CPA6: variants seen among roughly 807,000 people sequenced by gnomAD.
CPA6 encodes the protein carboxypeptidase B.
Under a neutral mutation model 63.3 loss-of-function variants are expected in CPA6, and 58 were observed. The ratio of observed to expected loss-of-function variants is 0.92; its 90% confidence interval spans 0.74 to 1.14. CPA6 has a LOEUF of 1.14. Ranked by LOEUF, CPA6 falls within the 50% of genes most tolerant of loss-of-function variation. The pLI is 0.00. For missense variants in CPA6, 565 were observed against 526.6 expected (o/e 1.07, Z -0.71); for synonymous variants, 185 against 179.0 (o/e 1.03, Z -0.27).
At chr8:67,481,802 G>A (rs1488174568) in intron 8 of CPA6, among the ~76,000 whole-genome samples, 1 of 152,144 alleles carries the variant, frequency 6.6e-6, no homozygotes, top group African/African-American at 2.4e-5. Context: ...CATAACTGCG[G>A]GGGGATGGAC....
intron 1 of CPA6, among the ~76,000 whole-genome samples, chr8:67,657,792 G>A (rs1196748026): frequency 6.6e-6 from 1 of 152,062 alleles, no homozygotes; most frequent in Non-Finnish European, 1.5e-5. Context: ...GACTCCACTG[G>A]TTCTGCAGGA....
intron 2 of CPA6, among the ~76,000 whole-genome samples, chr8:67,568,112 C>A (rs1813388073): frequency 6.6e-6 from 1 of 152,158 alleles, no homozygotes; most frequent in Non-Finnish European, 1.5e-5. Flanking sequence ...TCAGTACGAG[C>A]TGGCCCATCC....
intron 2 of CPA6, among the ~76,000 whole-genome samples, chr8:67,541,611 C>G (rs2128970925): frequency 1.3e-5 from 2 of 152,276 alleles, no homozygotes; most frequent in South Asian, 4.1e-4. Context: ...ACTCAGGGAG[C>G]TCGGTTGTTG....
At chr8:67,568,553 G>A (rs1396865456) in intron 2 of CPA6, among the ~76,000 whole-genome samples, 2 of 152,110 alleles carry the variant, frequency 1.3e-5, no homozygotes, top group African/African-American at 2.4e-5. Flanking sequence ...TCAACAGCTG[G>A]CTCAATCAAG....
rs1245418990 is a variant in CPA6, at chr8:67,612,375, T to C, written c.192+11801A>G. On this transcript the variant is annotated intron_variant, in intron 2 of 10. Transcript: ENST00000297770. ...AGGCATCTTCTGACTGTGCTCCCAA[T>C]ATCACCTCTCTAAGGGAGTCAACAA... 2.0e-5 allele frequency among the ~76,000 whole-genome samples: 3 copies of C among 152,326 alleles called. No homozygotes were observed. The East Asian group carries it at 5.8e-4, about 29-fold the overall frequency.
At chr8:67,681,456 G>A (rs991739262) in intron 1 of CPA6, among the ~76,000 whole-genome samples, 4 of 151,530 alleles carry the variant, frequency 2.6e-5, no homozygotes, top group African/African-American at 7.3e-5. Context: ...TGATCCACTC[G>A]CCTCGGCCTC....
intron 2 of CPA6, among the ~76,000 whole-genome samples, chr8:67,574,149 A>G (rs1318589812): frequency 6.6e-6 from 1 of 151,964 alleles, no homozygotes; most frequent in Non-Finnish European, 1.5e-5. Flanking sequence ...AGGCCAAGGC[A>G]GGCAGATCAC....
intron 1 of CPA6, among the ~76,000 whole-genome samples, chr8:67,637,094 T>C (rs1338525163): frequency 1.3e-5 from 2 of 151,706 alleles, no homozygotes; most frequent in African/African-American, 4.9e-5. Context: ...TAGGCAGAAG[T>C]AATGACTTTA....
At chr8:67,564,446 G>A (rs1813289961) in intron 2 of CPA6, among the ~76,000 whole-genome samples, 1 of 150,652 alleles carries the variant, frequency 6.6e-6, no homozygotes, top group Non-Finnish European at 1.5e-5. Flanking sequence ...TGGATATAGA[G>A]AACTACATCT....
chr8:67,654,449 A>G (rs988172694), intron 1 of CPA6, among the ~76,000 whole-genome samples: 1 of 152,040 alleles, frequency 6.6e-6, no homozygotes, highest in Non-Finnish European at 1.5e-5. Flanking sequence ...CAGAGATTCA[A>G]CTTCTTCCTG....
At chr8:67,690,057 G>C (rs1262686043) in intron 1 of CPA6, among the ~76,000 whole-genome samples, 2 of 151,980 alleles carry the variant, frequency 1.3e-5, no homozygotes, top group East Asian at 1.9e-4. Flanking sequence ...ATGTTTGTTG[G>C]CTGCTTTTAT....
At chr8:67,452,963 G>A (rs143178291) in intron 8 of CPA6, among the ~76,000 whole-genome samples, 4 of 152,300 alleles carry the variant, frequency 2.6e-5, no homozygotes, top group African/African-American at 9.6e-5. Context: ...CAATCGATGG[G>A]GGACCAGATT....
At chr8:67,744,611 T>C (rs1193736828) in intron 1 of CPA6, among the ~76,000 whole-genome samples, 1 of 152,190 alleles carries the variant, frequency 6.6e-6, no homozygotes, top group East Asian at 1.9e-4. Context: ...ATCTGTGATC[T>C]ATGTTTATCA....
In CPA6 at chr8:67,746,118, G is replaced by C; in HGVS notation, c.12C>G (p.Leu4=). The part of the protein sequence containing the change: MKC[L]GKRRGQAAAF... ...CAGCTGCCTGGCCCCTGCGCTTCCC[G>C]AGACACTTCATAGTGTTAAGAAGAG... The change falls in exon 1 of 11, where the codon CTC becomes CTG. Residue 4 remains leucine (L), a synonymous_variant. Transcript: ENST00000297770. The C allele has an allele frequency of 6.2e-7, 1 of 1,613,126 alleles. No homozygotes were observed. Among genetic ancestry groups the C allele is most frequent in the Non-Finnish European group, 8.5e-7 (1 of 1,179,524 alleles).
chr8:67,619,193 T>C (rs149932124), intron 2 of CPA6, among the ~76,000 whole-genome samples: 25 of 152,344 alleles, frequency 1.6e-4, no homozygotes, highest in African/African-American at 5.3e-4. Context: ...TTCCCTAAGA[T>C]GCTTGGTTAC....
chr8:67,587,319 G>A (rs183160973), intron 2 of CPA6, among the ~76,000 whole-genome samples: 133 of 152,280 alleles, frequency 8.7e-4, no homozygotes, highest in African/African-American at 3.0e-3. Context: ...ATATACTCAG[G>A]AGGGGGACTT....
chr8:67,525,888 G>C (rs192285001), intron 2 of CPA6, among the ~76,000 whole-genome samples: 1 of 152,164 alleles, frequency 6.6e-6, no homozygotes, highest in Non-Finnish European at 1.5e-5. Context: ...GGGGTGGTGG[G>C]GTGAGGCATG....
rs572378731 is a variant in CPA6, at chr8:67,620,885, G to A, written c.192+3291C>T. ...AGGCCTGCTTGTAAAATTGGCCTTG[G>A]CTGGCATTTGGAAAGTTGGATATCA... On this transcript the variant is annotated intron_variant, in intron 2 of 10. Transcript: ENST00000297770. Among the ~76,000 whole-genome samples the A allele has an allele frequency of 1.8e-4, 27 of 152,266 alleles. No homozygotes were observed. In the South Asian group the frequency reaches 5.4e-3, roughly 30 times the overall value.
At chr8:67,612,723 A>G (rs1814842968) in intron 2 of CPA6, among the ~76,000 whole-genome samples, 1 of 152,208 alleles carries the variant, frequency 6.6e-6, no homozygotes, top group African/African-American at 2.4e-5. Context: ...TCTTTAATCA[A>G]GCAAAGTCTT....
Sources: gnomAD v4.1 joint callset for allele counts (sites outside exome capture counted in the v4.1 genomes callset) on GRCh38, gnomAD v4.1.1 for gene constraint, MANE v1.5 for transcripts, NCBI Gene and HGNC (gene_info 2026-07-23, HGNC 2026-07-21) for gene names.